Variants in PALM2AKAP2 observed in about 807,000 individuals in gnomAD.
PALM2AKAP2 encodes the protein PALM2 and AKAP2 fusion, also known as PALM2-AKAP2 fusion protein.
PALM2AKAP2 carries 37 observed loss-of-function variants against 71.5 expected under a neutral mutation model. The observed-to-expected ratio is 0.52, with a 90% confidence interval of 0.40 to 0.68. The LOEUF (loss-of-function observed/expected upper bound fraction) is 0.68. Ranked by LOEUF, PALM2AKAP2 falls within the 30% of genes least tolerant of loss-of-function variation. The pLI is 0.00. For synonymous variants in PALM2AKAP2, 468 were observed against 478.8 expected (o/e 0.98, Z 0.29); for missense variants, 1,224 against 1,191.8 (o/e 1.03, Z -0.40).
At chr9:110,061,004 T>G (rs559516919) in intron 1 of PALM2AKAP2, among the ~76,000 whole-genome samples, 1 of 152,318 alleles carries the variant, frequency 6.6e-6, no homozygotes, top group South Asian at 2.1e-4. Context: ...GTATGTCTTC[T>G]TCCTTAGAGA....
rs985745867 is a variant in PALM2AKAP2 at position 109,947,202 on chromosome 9, A to G, written c.496+15174A>G. ...TTAATTTGATTTGGTTCCTTTCCAA[A>G]ATGTTAATAGACATGTATTTGCTTA... On this transcript the variant is annotated intron_variant, in intron 6 of 9. Transcript: ENST00000302798. Among the ~76,000 whole-genome samples the G allele has an allele frequency of 7.2e-5, 11 of 152,224 alleles. 1 individual carries two copies. Among genetic ancestry groups the G allele is most frequent in the Admixed American group, 7.2e-4 (11 of 15,284 alleles).
At chr9:109,852,764 T>G (rs1308302536) in intron 1 of PALM2AKAP2, among the ~76,000 whole-genome samples, 1 of 152,222 alleles carries the variant, frequency 6.6e-6, no homozygotes, top group African/African-American at 2.4e-5. Flanking sequence ...TGGTTTTGGT[T>G]TGCATCTCTC....
intron 1 of PALM2AKAP2, among the ~76,000 whole-genome samples, chr9:109,790,018 G>T: frequency 6.6e-6 from 1 of 152,154 alleles, no homozygotes; most frequent in East Asian, 1.9e-4. Flanking sequence ...GTTTCTATAG[G>T]ATCATATAAG....
rs148111810 is a variant in PALM2AKAP2, at chr9:109,798,614, G to A, written c.45+18081G>A. 3.2e-3 allele frequency among the ~76,000 whole-genome samples: 484 copies of A among 152,314 alleles called. 2 individuals carry two copies. Among genetic ancestry groups the A allele is most frequent in the South Asian group, 0.012 (56 of 4,824 alleles). On this transcript the variant is annotated intron_variant, in intron 1 of 9. Transcript: ENST00000302798. ...TAGCCAGTTAAAAACATTGGGCAAA[G>A]CTGTAAACTACATCACAGGAGTTCA...
chr9:110,158,385 T>C (rs1836511424), intron 3 of PALM2AKAP2, among the ~76,000 whole-genome samples: 1 of 152,192 alleles, frequency 6.6e-6, no homozygotes, highest in Non-Finnish European at 1.5e-5. Context: ...CCACTTAGCA[T>C]GTGACCCACG....
At chr9:110,137,562 C>G (rs1835916153) in exon 2 of PALM2AKAP2, 2 of 1,614,224 alleles carry the variant, frequency 1.2e-6, no homozygotes, top group East Asian at 4.5e-5. Flanking sequence ...AGCGCCCGGG[C>G]TGTCCTCACT....
At chr9:109,828,645 A>T (rs1828219389) in intron 1 of PALM2AKAP2, among the ~76,000 whole-genome samples, 1 of 152,216 alleles carries the variant, frequency 6.6e-6, no homozygotes, top group African/African-American at 2.4e-5. Context: ...CTACCCAGAG[A>T]TATTTGTTTG....
chr9:109,982,951 C>A (rs1480955575), intron 6 of PALM2AKAP2, among the ~76,000 whole-genome samples: 1 of 152,128 alleles, frequency 6.6e-6, no homozygotes, highest in Non-Finnish European at 1.5e-5. Context: ...CAAGAAAGAG[C>A]CAGCCAGCTG....
chr9:109,989,066 A>G (rs1832428695), intron 6 of PALM2AKAP2, among the ~76,000 whole-genome samples: 1 of 152,208 alleles, frequency 6.6e-6, no homozygotes, highest in South Asian at 2.1e-4. Context: ...CTTTTCCTTT[A>G]TAAATTACCC....
At chr9:110,116,355 C>T (rs902409280) in intron 1 of PALM2AKAP2, among the ~76,000 whole-genome samples, 1 of 151,726 alleles carries the variant, frequency 6.6e-6, no homozygotes, top group African/African-American at 2.4e-5. Context: ...TTAATGAGCC[C>T]GTGTGTGCGT....
At chr9:109,730,524 G>A (rs377438498) in intron 1 of PALM2AKAP2, among the ~76,000 whole-genome samples, 24 of 152,198 alleles carry the variant, frequency 1.6e-4, no homozygotes, top group Middle Eastern at 6.3e-3. Flanking sequence ...TACATTAACC[G>A]TCTGTGTTTG....
intron 5 of PALM2AKAP2, among the ~76,000 whole-genome samples, chr9:109,925,310 GC>G (rs1830931565): frequency 1.3e-5 from 2 of 151,964 alleles, no homozygotes; most frequent in Non-Finnish European, 2.9e-5. Flanking sequence ...TACAAAATTG[GC>G]CTGGCTCTTC....
At chr9:110,143,411 CAAAAAAAAAA>C (rs10638600) in intron 2 of PALM2AKAP2, among the ~76,000 whole-genome samples, 1 of 69,092 alleles carries the variant, frequency 1.4e-5, no homozygotes, top group Non-Finnish European at 2.7e-5. Context: ...AGCAAAGTGC[CAAAAAAAAAA>C]AAAAAAAAAA....
At chr9:110,142,613 G>T (rs938195339) in intron 2 of PALM2AKAP2, among the ~76,000 whole-genome samples, 3 of 152,208 alleles carry the variant, frequency 2.0e-5, no homozygotes, top group Non-Finnish European at 2.9e-5. Flanking sequence ...GATAAAGAAA[G>T]TCTTCCTTCC....
At chr9:110,068,348 T>TG (rs1834130081) in intron 1 of PALM2AKAP2, among the ~76,000 whole-genome samples, 1 of 149,372 alleles carries the variant, frequency 6.7e-6, no homozygotes, top group Non-Finnish European at 1.5e-5. Flanking sequence ...ATAAGGGGTA[T>TG]GGGTGGTGGT....
At chr9:109,943,469 A>T in intron 6 of PALM2AKAP2, 1 of 1,552,798 alleles carries the variant, frequency 6.4e-7, no homozygotes, top group Non-Finnish European at 8.6e-7. Flanking sequence ...TGTACTCTCC[A>T]CCACTCACGT....
chr9:109,889,506 GCTCC>G (rs1387563334), intron 3 of PALM2AKAP2, among the ~76,000 whole-genome samples: 1 of 152,136 alleles, frequency 6.6e-6, no homozygotes, highest in African/African-American at 2.4e-5. Context: ...GTTCCCTGCA[GCTCC>G]TACCCTCTCT....
intron 1 of PALM2AKAP2, among the ~76,000 whole-genome samples, chr9:109,733,377 T>C (rs1022615083): frequency 2.0e-5 from 3 of 152,162 alleles, no homozygotes; most frequent in African/African-American, 7.2e-5. Flanking sequence ...CTCACACTGG[T>C]TAACAATACT....
chr9:109,870,976 A>G (rs942684243), intron 2 of PALM2AKAP2, among the ~76,000 whole-genome samples: 3 of 152,230 alleles, frequency 2.0e-5, no homozygotes, highest in African/African-American at 4.8e-5. Context: ...TGTTTATAAG[A>G]TATAATTTTC....
Sources: gnomAD v4.1 joint callset for allele counts (sites outside exome capture counted in the v4.1 genomes callset) on GRCh38, gnomAD v4.1.1 for gene constraint, MANE v1.5 for transcripts, NCBI Gene and HGNC (gene_info 2026-07-23, HGNC 2026-07-21) for gene names.